The following ERBB4 variants were observed in gnomAD, a reference collection of about 807,000 sequenced individuals.
ERBB4 encodes erb-b2 receptor tyrosine kinase 4.
In ERBB4, 42 loss-of-function variants were observed where a neutral mutation model predicts 158.0. The observed-to-expected ratio is 0.27, with a 90% CI of 0.21 to 0.34. The LOEUF (loss-of-function observed/expected upper bound fraction) is 0.34. ERBB4 is among the 10% of genes least tolerant of loss of function. The pLI, the probability that ERBB4 is intolerant of heterozygous loss-of-function variation, is 1.00. For synonymous variants in ERBB4, 583 were observed against 558.7 expected (o/e 1.04, Z -0.61); for missense variants, 1,333 against 1,624.1 (o/e 0.82, Z 3.08).
chr2:212,216,216 G>A (rs1335582246), intron 1 of ERBB4, among the ~76,000 whole-genome samples: 1 of 151,082 alleles, frequency 6.6e-6, no homozygotes, highest in African/African-American at 2.4e-5. Flanking sequence ...TCCTTTTATT[G>A]ATGTGAATCT....
At chr2:211,755,589 C>T (rs1264994142) in intron 4 of ERBB4, among the ~76,000 whole-genome samples, 1 of 152,344 alleles carries the variant, frequency 6.6e-6, no homozygotes, top group East Asian at 1.9e-4. Context: ...CAAGCAATCC[C>T]TCTGCTTTCA....
chr2:211,852,588 C>T (rs2077744927), intron 3 of ERBB4, among the ~76,000 whole-genome samples: 1 of 146,566 alleles, frequency 6.8e-6, no homozygotes, highest in Admixed American at 6.8e-5. Context: ...TTGATGAGAA[C>T]AAAAACTACA....
intron 1 of ERBB4, among the ~76,000 whole-genome samples, chr2:212,314,580 C>T (rs1405815894): frequency 6.7e-6 from 1 of 150,092 alleles, no homozygotes; most frequent in Non-Finnish European, 1.5e-5. Context: ...CCAAAATAAC[C>T]ATATTTTGGT....
intron 2 of ERBB4, among the ~76,000 whole-genome samples, chr2:211,962,895 T>C (rs920062524): frequency 2.0e-4 from 30 of 152,208 alleles, no homozygotes; most frequent in East Asian, 1.9e-4. Flanking sequence ...AAGTACTATA[T>C]GAACTTTCGG....
intron 3 of ERBB4, among the ~76,000 whole-genome samples, chr2:211,947,090 T>A (rs1300559802): frequency 1.3e-5 from 2 of 152,088 alleles, no homozygotes; most frequent in East Asian, 3.9e-4. Context: ...ATGATAGTTA[T>A]CTCATTATTG....
intron 1 of ERBB4, among the ~76,000 whole-genome samples, chr2:212,265,382 T>C (rs1467174435): frequency 6.6e-6 from 1 of 151,810 alleles, no homozygotes; most frequent in Non-Finnish European, 1.5e-5. Flanking sequence ...GAGTTGATAA[T>C]GAGATATCAA....
intron 4 of ERBB4, among the ~76,000 whole-genome samples, chr2:211,776,687 T>A (rs906877221): frequency 2.4e-4 from 36 of 152,096 alleles, no homozygotes; most frequent in African/African-American, 8.0e-4. Flanking sequence ...ATACAAATGG[T>A]TGTTTACAGT....
chr2:212,220,414 C>G (rs2083256452), intron 1 of ERBB4, among the ~76,000 whole-genome samples: 1 of 151,388 alleles, frequency 6.6e-6, no homozygotes, highest in Non-Finnish European at 1.5e-5. Context: ...CCCAAATGCC[C>G]AGCATTGCTT....
chr2:211,702,560 T>C (rs1217552999), intron 11 of ERBB4, among the ~76,000 whole-genome samples: 2 of 152,224 alleles, frequency 1.3e-5, no homozygotes, highest in East Asian at 1.9e-4. Flanking sequence ...TTCCTCTTTA[T>C]GTAATAGATT....
At chr2:211,923,858 G>A (rs2079941779) in intron 3 of ERBB4, among the ~76,000 whole-genome samples, 2 of 152,144 alleles carry the variant, frequency 1.3e-5, no homozygotes, top group African/African-American at 4.8e-5. Context: ...AAGCAGCTGG[G>A]ATTACAGGCA....
intron 20 of ERBB4, among the ~76,000 whole-genome samples, chr2:211,453,356 C>T (rs1220406884): frequency 6.6e-6 from 1 of 152,074 alleles, no homozygotes; most frequent in Non-Finnish European, 1.5e-5. Context: ...CGTAACACAA[C>T]TCCACAGAGC....
At chr2:211,883,839 G>T (rs1277435719) in intron 3 of ERBB4, among the ~76,000 whole-genome samples, 1 of 152,076 alleles carries the variant, frequency 6.6e-6, no homozygotes, top group Non-Finnish European at 1.5e-5. Flanking sequence ...AAAGTTGGAA[G>T]ATTTTGAGAA....
intron 3 of ERBB4, among the ~76,000 whole-genome samples, chr2:211,909,250 G>T (rs941051368): frequency 1.3e-5 from 2 of 151,614 alleles, no homozygotes; most frequent in African/African-American, 4.8e-5. Flanking sequence ...ATAAAACAAT[G>T]TTGGTTGGAT....
At chr2:212,116,005 TA>T (rs1242110544) in intron 2 of ERBB4, among the ~76,000 whole-genome samples, 3 of 152,166 alleles carry the variant, frequency 2.0e-5, no homozygotes, top group Admixed American at 6.5e-5. Context: ...AATTAGGGGC[TA>T]AAAAAACTTT....
rs984173226 is a variant in ERBB4 at position 211,528,840 on chromosome 2, T to C, written c.2487+33063A>G. ...TGGGAGAACAACATACCAAAACCTA[T>C]GGAATGCAATGAAAGCAGTACTAAG... On this transcript the variant is annotated intron_variant, in intron 20 of 27. Coordinates refer to ENST00000342788, the MANE Select transcript of ERBB4 (RefSeq NM_005235.3). Among the ~76,000 whole-genome samples, 4 of 151,710 alleles carry C rather than the reference T, an allele frequency of 2.6e-5. No individual in the cohort carries two copies. The South Asian group carries it at 6.2e-4, about 24-fold the overall frequency.
intron 20 of ERBB4, among the ~76,000 whole-genome samples, chr2:211,527,750 G>C (rs1337132144): frequency 6.6e-6 from 1 of 151,746 alleles, no homozygotes; most frequent in Non-Finnish European, 1.5e-5. Flanking sequence ...TTTTCTTTTT[G>C]TTTGTTTGTT....
intron 20 of ERBB4, among the ~76,000 whole-genome samples, chr2:211,432,749 T>C (rs1167016848): frequency 6.6e-6 from 1 of 151,718 alleles, no homozygotes; most frequent in Non-Finnish European, 1.5e-5. Context: ...ACACGGAATA[T>C]ATGTTGGCAA....
At chr2:211,765,052 C>T (rs533716116) in intron 4 of ERBB4, among the ~76,000 whole-genome samples, 20 of 152,142 alleles carry the variant, frequency 1.3e-4, no homozygotes, top group Admixed American at 5.9e-4. Context: ...TGTAGGTGGA[C>T]GTCAAGAGCA....
Position 211,498,046 on chromosome 2 carries a change from T to A in ERBB4, c.2487+63857A>T, listed in dbSNP as rs201661482. Among the ~76,000 whole-genome samples the A allele has an allele frequency of 3.9e-5, 6 of 152,230 alleles. No homozygotes were observed. The East Asian group carries it at 1.2e-3, about 29-fold the overall frequency. ...GTGTACTATCACCAAGAGACCTGCA[T>A]GTTTTTAATAAAGAAGATGCCAGCA... is the stretch of plus-strand genomic sequence containing the variant. On this transcript the variant is annotated intron_variant, in intron 20 of 27. Coordinates refer to ENST00000342788, the MANE Select transcript of ERBB4 (RefSeq NM_005235.3).
Sources: allele counts gnomAD v4.1 joint callset (sites outside exome capture counted in the v4.1 genomes callset), GRCh38; gene constraint gnomAD v4.1.1; transcripts MANE v1.5; gene names NCBI Gene and HGNC (gene_info 2026-07-23, HGNC 2026-07-21).